The following DPP10 variants were observed in gnomAD, a reference collection of about 807,000 sequenced individuals.
The protein encoded by DPP10 is dipeptidyl peptidase like 10, also known as inactive dipeptidyl peptidase 10.
A neutral mutation model predicts 120.9 loss-of-function variants in DPP10; 33 were observed. That is an observed-to-expected ratio of 0.27 (90% CI 0.21 to 0.37). The LOEUF is 0.37. Ranked by LOEUF, DPP10 falls within the 10% of genes least tolerant of loss-of-function variation. The pLI is 1.00. For missense variants in DPP10, 816 were observed against 942.8 expected (o/e 0.87, Z 1.76); for synonymous variants, 337 against 326.1 (o/e 1.03, Z -0.36).
chr2:114,899,683 C>T (rs942866817), intron 1 of DPP10, among the ~76,000 whole-genome samples: 1 of 152,084 alleles, frequency 6.6e-6, no homozygotes, highest in East Asian at 1.9e-4. Context: ...TAGGGCCAGG[C>T]GCGGTGGCTC....
At chr2:114,644,800 T>C (rs1414825628) in intron 1 of DPP10, among the ~76,000 whole-genome samples, 2 of 151,890 alleles carry the variant, frequency 1.3e-5, no homozygotes, top group Non-Finnish European at 2.9e-5. Context: ...GTGGGACCAC[T>C]CTGGCACCTC....
At chr2:114,840,077 T>C (rs1031867720) in intron 1 of DPP10, among the ~76,000 whole-genome samples, 8 of 152,282 alleles carry the variant, frequency 5.3e-5, no homozygotes, top group South Asian at 2.1e-4. Flanking sequence ...CACTGGGCCT[T>C]CACAAAGCCT....
rs60715770 is a variant in DPP10 at position 114,757,047 on chromosome 2, AAGG to A, written c.60+314212_60+314214del. On this transcript the variant is annotated intron_variant, in intron 1 of 25. Coordinates refer to ENST00000410059, the MANE Select transcript of DPP10 (RefSeq NM_020868.6). ...TCTTGAATATAGGAAGGAAGGAAGG[AAGG>A]AGAGGGAGAAAGAAATGAAGAAAGG... Among the ~76,000 whole-genome samples the A allele has an allele frequency of 1.2e-3, 182 of 151,434 alleles. 2 individuals are homozygous for A. Among genetic ancestry groups the A allele is most frequent in the African/African-American group, 4.3e-3 (178 of 41,288 alleles).
At chr2:115,643,076 C>T (rs1441287145) in intron 5 of DPP10, among the ~76,000 whole-genome samples, 1 of 151,616 alleles carries the variant, frequency 6.6e-6, no homozygotes, top group Admixed American at 6.6e-5. Flanking sequence ...AGGAGAAATT[C>T]AATGTAGCTC....
At chr2:115,718,725 T>G (rs1015833773) in intron 7 of DPP10, among the ~76,000 whole-genome samples, 1 of 152,150 alleles carries the variant, frequency 6.6e-6, no homozygotes, top group African/African-American at 2.4e-5. Flanking sequence ...TTTTTAATCT[T>G]TATAACCTCA....
At chr2:115,139,724 T>TAAAAAA (rs55826687) in intron 1 of DPP10, among the ~76,000 whole-genome samples, 28 of 56,620 alleles carry the variant, frequency 4.9e-4, no homozygotes, top group East Asian at 2.1e-3. Flanking sequence ...GTAAAAATAC[T>TAAAAAA]AAAAAAAAAA....
chr2:114,506,109 G>A (rs1376838436), intron 1 of DPP10, among the ~76,000 whole-genome samples: 1 of 152,226 alleles, frequency 6.6e-6, no homozygotes, highest in Non-Finnish European at 1.5e-5. Context: ...ACAGCCCAAA[G>A]TGAGAACATA....
intron 7 of DPP10, among the ~76,000 whole-genome samples, chr2:115,708,939 G>A (rs575787659): frequency 1.9e-4 from 29 of 152,114 alleles, no homozygotes; most frequent in African/African-American, 7.0e-4. Context: ...GACTAAAATT[G>A]AATAAATGGT....
intron 5 of DPP10, among the ~76,000 whole-genome samples, chr2:115,653,829 G>A (rs2088033819): frequency 6.6e-6 from 1 of 151,792 alleles, no homozygotes; most frequent in Admixed American, 6.6e-5. Context: ...TCCCTGTAGA[G>A]GATATCTTAA....
chr2:114,545,024 G>A (rs957350561), intron 1 of DPP10, among the ~76,000 whole-genome samples: 1 of 151,884 alleles, frequency 6.6e-6, no homozygotes, highest in African/African-American at 2.4e-5. Context: ...GCTAATTTTT[G>A]TATATTTAGT....
intron 1 of DPP10, among the ~76,000 whole-genome samples, chr2:115,017,983 G>A (rs1400445427): frequency 7.3e-5 from 11 of 151,284 alleles, no homozygotes; most frequent in South Asian, 2.1e-4. Context: ...GCACATGTAC[G>A]CTAGAACTTA....
intron 5 of DPP10, among the ~76,000 whole-genome samples, chr2:115,537,512 AT>A (rs1426519929): frequency 6.6e-6 from 1 of 151,082 alleles, no homozygotes; most frequent in Non-Finnish European, 1.5e-5. Context: ...AATTTATCAA[AT>A]GGAAGAAAAC....
At chr2:114,733,186 A>G (rs1677086447) in intron 1 of DPP10, among the ~76,000 whole-genome samples, 1 of 152,184 alleles carries the variant, frequency 6.6e-6, no homozygotes, top group Non-Finnish European at 1.5e-5. Context: ...TTTTGCTCCC[A>G]ACTTCAGTAA....
At chr2:114,823,226 G>A (rs1574272215) in intron 1 of DPP10, among the ~76,000 whole-genome samples, 2 of 152,234 alleles carry the variant, frequency 1.3e-5, no homozygotes, top group East Asian at 3.9e-4. Context: ...TGGGGGAAGG[G>A]AACTCTTTGC....
intron 5 of DPP10, among the ~76,000 whole-genome samples, chr2:115,548,136 A>G (rs537731804): frequency 1.8e-4 from 28 of 152,296 alleles, no homozygotes; most frequent in South Asian, 1.2e-3. Context: ...TGTGGAAGAA[A>G]TTATGTGCTG....
At chr2:115,341,558 C>T (rs1040697866) in intron 2 of DPP10, among the ~76,000 whole-genome samples, 2 of 152,190 alleles carry the variant, frequency 1.3e-5, no homozygotes, top group African/African-American at 4.8e-5. Context: ...ATTGTAGAAT[C>T]ATATGGAATA....
intron 17 of DPP10, 71 bp downstream of exon 17, chr2:115,782,470 T>G: frequency 7.2e-7 from 1 of 1,391,150 alleles, no homozygotes; most frequent in East Asian, 2.3e-5. Context: ...TTATCTATTC[T>G]GAGTCATATC....
intron 3 of DPP10, among the ~76,000 whole-genome samples, chr2:115,467,008 A>C (rs954637438): frequency 7.2e-5 from 11 of 152,178 alleles, no homozygotes; most frequent in Admixed American, 7.2e-4. Flanking sequence ...AACCCTCAAG[A>C]AAAAGAGAAA....
chr2:114,676,826 C>A (rs1403447075), intron 1 of DPP10, among the ~76,000 whole-genome samples: 1 of 151,978 alleles, frequency 6.6e-6, no homozygotes, highest in Non-Finnish European at 1.5e-5. Context: ...AGGATAGATT[C>A]TTCTCTGGAA....
Sources: gnomAD v4.1 joint callset for allele counts (sites outside exome capture counted in the v4.1 genomes callset) on GRCh38, gnomAD v4.1.1 for gene constraint, MANE v1.5 for transcripts, NCBI Gene and HGNC (gene_info 2026-07-23, HGNC 2026-07-21) for gene names.